The following ABR variants were observed in gnomAD, a reference collection of about 807,000 sequenced individuals.
ABR encodes ABR activator of RhoGEF and GTPase, also known as active breakpoint cluster region-related protein.
ABR carries 35 observed loss-of-function variants against 107.2 expected under a neutral mutation model. That is an observed-to-expected ratio of 0.33 (90% CI 0.25 to 0.43). The LOEUF is 0.43. Ranked by LOEUF, ABR falls within the 20% of genes least tolerant of loss-of-function variation. ABR has a pLI of 1.00. For synonymous variants in ABR, 498 were observed against 462.0 expected (o/e 1.08, Z -1.00); for missense variants, 815 against 1,115.2 (o/e 0.73, Z 3.83).
intron 1 of ABR, among the ~76,000 whole-genome samples, chr17:1,168,708 G>A (rs1304721792): frequency 6.6e-6 from 1 of 152,236 alleles, no homozygotes; most frequent in Non-Finnish European, 1.5e-5. Flanking sequence ...AGACACGGCA[G>A]GCACCCACAA....
At chr17:1,022,120 A>AAAC (rs1555534384) in intron 16 of ABR, among the ~76,000 whole-genome samples, 1 of 118,388 alleles carries the variant, frequency 8.4e-6, no homozygotes, top group African/African-American at 3.7e-5. Flanking sequence ...AAAAAAAAAA[A>AAAC]AAAAACAGAA....
At chr17:1,195,304 C>CAA (rs564020208) in intron 1 of ABR, among the ~76,000 whole-genome samples, 2 of 87,632 alleles carry the variant, frequency 2.3e-5, no homozygotes, top group African/African-American at 3.6e-5. Flanking sequence ...GAGACTGTCT[C>CAA]AAAAAAAAAA....
intron 1 of ABR, among the ~76,000 whole-genome samples, chr17:1,221,100 G>A (rs1015492064): frequency 2.6e-5 from 4 of 152,210 alleles, no homozygotes; most frequent in South Asian, 2.1e-4. Context: ...GGTTGGAGTC[G>A]TTGGAAAAGG....
chr17:1,195,819 T>C lies in ABR; in HGVS notation c.838+32974A>G, dbSNP rs1311446785. ...ACTCTGTCTCAAAAAAAAAAAATTATTGGCCGGCGCGGTGGCTCACGCCTG... is the reference window on the plus strand; with the variant it reads ...ACTCTGTCTCAAAAAAAAAAAATTACTGGCCGGCGCGGTGGCTCACGCCTG... On this transcript the variant is annotated intron_variant, in intron 1 of 22. Coordinates refer to the ABR transcript ENST00000574139. Among the ~76,000 whole-genome samples the C allele has an allele frequency of 2.4e-4, 29 of 121,882 alleles. 1 individual carries two copies. The highest frequency in any genetic ancestry group is 8.4e-4 in the African/African-American group (25 of 29,830). 80.0% of individuals were successfully genotyped at this position (121,882 alleles called of 152,430 possible).
intron 1 of ABR, among the ~76,000 whole-genome samples, chr17:1,128,790 G>A (rs1424047948): frequency 1.4e-5 from 2 of 140,850 alleles, no homozygotes; most frequent in African/African-American, 2.6e-5. Flanking sequence ...ACCTCGGGAC[G>A]TTTTCACAAG....
intron 2 of ABR, chr17:1,108,989 TC>T (rs1391112045): frequency 6.3e-7 from 1 of 1,598,296 alleles, no homozygotes; most frequent in Non-Finnish European, 8.5e-7. Flanking sequence ...GGTTCCCAGC[TC>T]GCACTCCTCC....
intron 16 of ABR, among the ~76,000 whole-genome samples, chr17:1,042,405 T>A (rs1450257423): frequency 6.9e-6 from 1 of 144,600 alleles, no homozygotes; most frequent in Non-Finnish European, 1.5e-5. Flanking sequence ...CACGGACGGA[T>A]GGATAAATAG....
intron 16 of ABR, among the ~76,000 whole-genome samples, chr17:1,045,683 G>A (rs1597519777): frequency 6.6e-6 from 1 of 152,224 alleles, no homozygotes; most frequent in South Asian, 2.1e-4. Context: ...TTAGCACCGT[G>A]CTGGGCTCGT....
chr17:1,046,321 A>G (rs1177671163), intron 16 of ABR, among the ~76,000 whole-genome samples: 1 of 138,242 alleles, frequency 7.2e-6, no homozygotes, highest in Non-Finnish European at 1.7e-5. Flanking sequence ...TATTTTTAGT[A>G]GAAACAGGGT....
chr17:1,149,281 G>T (rs930827112), intron 1 of ABR, among the ~76,000 whole-genome samples: 1 of 152,054 alleles, frequency 6.6e-6, no homozygotes, highest in African/African-American at 2.4e-5. Context: ...GTAATACCAG[G>T]GACAGAGACC....
At position 1,148,044 on chromosome 17, in the gene ABR, C is replaced by T. The variant is rs187664462; in HGVS notation, c.62-22677G>A. ...CAGGCTGGTCAATGACCCACCCACT[C>T]TCCCCAGGCTGGTCAATGGGCCCAC... On this transcript the variant is annotated intron_variant, in intron 1 of 22. Coordinates refer to ENST00000302538, the MANE Select transcript of ABR (RefSeq NM_021962.5). This position sits in a 1 kb window ranked among gnomAD's most constrained non-coding sequence, Gnocchi z 4.9. Among the ~76,000 whole-genome samples, 268 of 152,288 alleles carry T rather than the reference C, an allele frequency of 1.8e-3. 1 individual carries two copies. Among genetic ancestry groups the T allele is most frequent in the African/African-American group, 6.1e-3 (254 of 41,566 alleles).
chr17:1,072,884 T>C, intron 7 of ABR, 130 bp from the exon 8 acceptor site: 1 of 1,264,186 alleles, frequency 7.9e-7, no homozygotes, highest in Non-Finnish European at 1.1e-6. Context: ...AAATCTGAAC[T>C]ACAAATCAGA....
At chr17:1,104,143 G>A (rs1000685149) in intron 2 of ABR, among the ~76,000 whole-genome samples, 4 of 152,128 alleles carry the variant, frequency 2.6e-5, no homozygotes, top group Non-Finnish European at 4.4e-5. Flanking sequence ...CTCCAGCACC[G>A]GGAAGCTGCC....
chr17:1,116,328 C>T (rs1464836475), intron 2 of ABR, among the ~76,000 whole-genome samples: 1 of 152,170 alleles, frequency 6.6e-6, no homozygotes, highest in Non-Finnish European at 1.5e-5. Context: ...GAAAACTCCC[C>T]TGCACTCTGG....
chr17:1,065,985 C>G (rs2034697530), intron 10 of ABR, among the ~76,000 whole-genome samples: 1 of 151,926 alleles, frequency 6.6e-6, no homozygotes, highest in Non-Finnish European at 1.5e-5. Flanking sequence ...CCTCAGGTGA[C>G]CTGCCTGCCT....
chr17:1,106,899 G>A (rs1195940658), intron 2 of ABR, among the ~76,000 whole-genome samples: 1 of 152,200 alleles, frequency 6.6e-6, no homozygotes, highest in Non-Finnish European at 1.5e-5. Flanking sequence ...CCTTGTGAGG[G>A]AAGATCACGC....
intron 16 of ABR, chr17:1,031,532 CAGCCCCCCGAGCCCCGCAGCGCCCCCG>C: frequency 3.2e-6 from 1 of 311,824 alleles, no homozygotes; most frequent in Non-Finnish European, 5.1e-6. Flanking sequence ...GCAGCCCCCG[CAGCCCCCCGAGCCCCGCAGCGCCCCCG>C]AGCCCCCACC....
intron 9 of ABR, 66 bp from the exon 10 acceptor site, chr17:1,067,308 G>A: frequency 1.4e-6 from 2 of 1,444,458 alleles, no homozygotes; most frequent in Non-Finnish European, 1.8e-6. Context: ...CAACTCTTGG[G>A]TCCAGAACCA....
At chr17:1,123,697 C>T (rs911142968) in intron 2 of ABR, among the ~76,000 whole-genome samples, 1 of 152,112 alleles carries the variant, frequency 6.6e-6, no homozygotes, top group Non-Finnish European at 1.5e-5. Context: ...TCCCCCCGGG[C>T]GGGGCTCTGA....
Sources: gnomAD v4.1 joint callset for allele counts (sites outside exome capture counted in the v4.1 genomes callset) on GRCh38, gnomAD v4.1.1 for gene constraint, Gnocchi (gnomAD v3.1) non-coding constraint, MANE v1.5 for transcripts, NCBI Gene and HGNC (gene_info 2026-07-23, HGNC 2026-07-21) for gene names.